The following ABCB5 variants were observed in gnomAD, a reference collection of about 807,000 sequenced individuals.
ABCB5 encodes the protein ATP binding cassette subfamily B member 5, also known as ATP-binding cassette sub-family B member 5.
ABCB5 carries 155 observed loss-of-function variants against 144.2 expected under a neutral mutation model. That is an observed-to-expected ratio of 1.08 (90% CI 0.94 to 1.23). The LOEUF (loss-of-function observed/expected upper bound fraction) is 1.23, where lower values mean the gene tolerates loss of function less well. Ranked by LOEUF, ABCB5 falls within the 50% of genes most tolerant of loss-of-function variation. ABCB5 has a pLI of 0.00. For missense variants in ABCB5, 1,830 were observed against 1,520.8 expected, an observed-to-expected ratio of 1.20 and a Z score of -3.38; for synonymous variants, 610 against 528.6, an observed-to-expected ratio of 1.15 and a Z score of -2.11.
intron 16 of ABCB5, among the ~76,000 whole-genome samples, chr7:20,686,665 G>A (rs150815480): frequency 2.0e-5 from 3 of 152,162 alleles, no homozygotes; most frequent in Non-Finnish European, 4.4e-5. Context: ...CACATGCCTT[G>A]AAATCCCTCA....
intron 14 of ABCB5, among the ~76,000 whole-genome samples, chr7:20,665,620 G>A (rs779921311): frequency 2.6e-5 from 4 of 152,078 alleles, no homozygotes; most frequent in Non-Finnish European, 4.4e-5. Context: ...AGGACTGAGA[G>A]AGGTGGGGAA....
intron 4 of ABCB5, among the ~76,000 whole-genome samples, chr7:20,631,411 G>T (rs1308342092): frequency 1.3e-5 from 2 of 152,080 alleles, no homozygotes; most frequent in African/African-American, 4.8e-5. Context: ...GATGTCTGCA[G>T]TTATTTCAAA....
At position 20,700,081 on chromosome 7, in the gene ABCB5, G is replaced by A. The variant is rs148327292; in HGVS notation, c.2283G>A (p.Gly761=). The change falls in exon 19 of 28, where the codon GGG becomes GGA. Residue 761 remains glycine, a synonymous_variant. Coordinates refer to ENST00000404938, the MANE Select transcript of ABCB5 (RefSeq NM_001163941.2). ...FMQGLFYGRA[G]EILTMRLRHL... ...AGGGATTATTTTACGGCAGAGCAGG[G>A]GAAATTTTAACGATGAGATTAAGAC... The A allele has an allele frequency of 3.2e-5, 51 of 1,613,720 alleles. No homozygotes were observed. The African/African-American group carries it at 6.1e-4, about 19-fold the overall frequency.
chr7:20,629,950 G>T (rs1784001117), intron 4 of ABCB5, among the ~76,000 whole-genome samples: 1 of 152,118 alleles, frequency 6.6e-6, no homozygotes, highest in Admixed American at 6.6e-5. Context: ...CAGATACCCT[G>T]AATTGGTGGT....
At chr7:20,660,197 A>C in intron 14 of ABCB5, 1 of 984,068 alleles carries the variant, frequency 1.0e-6, no homozygotes, top group East Asian at 1.1e-4. Context: ...AAGTGAAAAA[A>C]GAAGAATGCA....
At chr7:20,722,648 C>A (rs535712372) in intron 20 of ABCB5, among the ~76,000 whole-genome samples, 1 of 152,152 alleles carries the variant, frequency 6.6e-6, no homozygotes, top group South Asian at 2.1e-4. Context: ...GGCGAAACCC[C>A]ATCTCTACTA....
chr7:20,643,145 G>T (rs770284056), intron 5 of ABCB5, 39 bp from the exon 6 acceptor site: 8 of 1,517,454 alleles, frequency 5.3e-6, no homozygotes, highest in Non-Finnish European at 7.2e-6. Flanking sequence ...AGATAAAAAT[G>T]TTGTGCTTCA....
At chr7:20,750,573 A>G (rs950829569) in intron 26 of ABCB5, among the ~76,000 whole-genome samples, 1 of 152,364 alleles carries the variant, frequency 6.6e-6, no homozygotes, top group Middle Eastern at 3.4e-3. Context: ...GTATTTGATT[A>G]CCATTGCTTC....
intron 15 of ABCB5, among the ~76,000 whole-genome samples, 198 bp downstream of exon 15, chr7:20,681,864 T>C (rs1198654281): frequency 1.3e-5 from 2 of 152,178 alleles, no homozygotes; most frequent in East Asian, 1.9e-4. Context: ...GAAGAACTAA[T>C]GGGTACCTGG....
At chr7:20,726,920 G>C in intron 21 of ABCB5, 120 bp from the exon 22 acceptor site, 1 of 529,434 alleles carries the variant, frequency 1.9e-6, no homozygotes, top group Non-Finnish European at 3.1e-6. Context: ...TATTTGTCAG[G>C]AAAACTTACT....
chr7:20,619,041 C>G (rs2128015486), intron 1 of ABCB5, among the ~76,000 whole-genome samples: 1 of 152,204 alleles, frequency 6.6e-6, no homozygotes, highest in East Asian at 1.9e-4. Context: ...TCCCAAACTG[C>G]TGGGATTACA....
intron 20 of ABCB5, among the ~76,000 whole-genome samples, chr7:20,710,930 T>G (rs1241816292): frequency 6.7e-6 from 1 of 150,096 alleles, no homozygotes; most frequent in African/African-American, 2.5e-5. Flanking sequence ...AGGAAAGTGA[T>G]ATTGCTAAGT....
intron 21 of ABCB5, among the ~76,000 whole-genome samples, chr7:20,726,358 CTTTTTTTTTTTT>C (rs1172285058): frequency 1.3e-5 from 1 of 78,420 alleles, no homozygotes; most frequent in Non-Finnish European, 2.2e-5. Context: ...TCTCTGCTAT[CTTTTTTTTTTTT>C]TTTTTTTTTT....
At chr7:20,727,544 G>C (rs1026403727) in intron 22 of ABCB5, among the ~76,000 whole-genome samples, 2 of 152,252 alleles carry the variant, frequency 1.3e-5, no homozygotes, top group Middle Eastern at 6.8e-3. Context: ...AGACCAGCCT[G>C]GACAACATGA....
intron 26 of ABCB5, among the ~76,000 whole-genome samples, chr7:20,749,776 G>C (rs1782859973): frequency 6.6e-6 from 1 of 152,172 alleles, no homozygotes; most frequent in Non-Finnish European, 1.5e-5. Flanking sequence ...GTTCAGAGGA[G>C]ACCTTTGGAG....
In ABCB5 at chr7:20,700,161, T is replaced by A. The variant is rs556446842; in HGVS notation, c.2337+26T>A. On this transcript the variant is annotated intron_variant, in intron 19 of 27. Coordinates refer to ENST00000404938, the MANE Select transcript of ABCB5 (RefSeq NM_001163941.2). The stretch of plus-strand genomic sequence containing the variant: ...GTCAGTGATAAGTTGATTTTTTTTT[T>A]ATTTTATTTAAAATTTATTGTAAAA... 3.9e-3 allele frequency: 5,353 copies of A among 1,368,318 alleles called. 46 individuals are homozygous for A. Among genetic ancestry groups the A allele is most frequent in the South Asian group, 0.024 (1,763 of 73,222 alleles). 84.8% of individuals were successfully genotyped at this position (1,368,318 alleles called of 1,614,324 possible). A position where few individuals can be genotyped will look rare whatever the true frequency, so the allele number is the denominator to read the frequency against.
chr7:20,661,841 A>T (rs949415897), intron 14 of ABCB5, among the ~76,000 whole-genome samples: 1 of 151,962 alleles, frequency 6.6e-6, no homozygotes, highest in African/African-American at 2.4e-5. Context: ...CGAGACCTGA[A>T]ATGTTCTTTT....
chr7:20,708,221 G>T (rs940919668), intron 20 of ABCB5, among the ~76,000 whole-genome samples: 1 of 152,158 alleles, frequency 6.6e-6, no homozygotes, highest in African/African-American at 2.4e-5. Context: ...TAAGGTTGGC[G>T]TATAATTGCT....
At chr7:20,707,560 T>G (rs565469642) in intron 20 of ABCB5, among the ~76,000 whole-genome samples, 2 of 152,310 alleles carry the variant, frequency 1.3e-5, no homozygotes, top group East Asian at 3.9e-4. Flanking sequence ...GCGATCTCTT[T>G]TCATCAACCA....
Sources: gnomAD v4.1 joint callset for allele counts (sites outside exome capture counted in the v4.1 genomes callset) on GRCh38, gnomAD v4.1.1 for gene constraint, MANE v1.5 for transcripts, NCBI Gene and HGNC (gene_info 2026-07-23, HGNC 2026-07-21) for gene names.